Variants in MAPDA observed in about 807,000 individuals in gnomAD.
MAPDA encodes N6,N6-dimethyl-AMP deaminase.
the MAPDA span, chr15:43,330,456 C>G: frequency 2.0e-6 from 3 of 1,530,216 alleles, no homozygotes; most frequent in South Asian, 1.3e-5. Flanking sequence ...TTCTGTACCG[C>G]GCCTGCCCGA....
chr15:43,353,262 T>C, the MAPDA span: 1 of 143,356 alleles, frequency 7.0e-6, no homozygotes. Flanking sequence ...ACTAAGATAG[T>C]TCTGAAAGGT....
At chr15:43,348,899 T>C in the MAPDA span, 1 of 1,613,154 alleles carries the variant, frequency 6.2e-7, no homozygotes, top group Admixed American at 1.7e-5. Flanking sequence ...TTCCTCCCCT[T>C]TCTTTAGATT....
chr15:43,348,136 T>C, the MAPDA span, among the ~76,000 whole-genome samples: 1 of 152,236 alleles, frequency 6.6e-6, no homozygotes, highest in Non-Finnish European at 1.5e-5. Flanking sequence ...AAAAATGTTC[T>C]GAGCATTTGT....
chr15:43,335,937 G>A, the MAPDA span: 1 of 1,334,018 alleles, frequency 7.5e-7, no homozygotes, highest in Non-Finnish European at 1.0e-6. Context: ...GGGTTGGCAT[G>A]TGGTGTGGAG....
At chr15:43,335,232 C>T in the MAPDA span, 3 of 1,558,446 alleles carry the variant, frequency 1.9e-6, no homozygotes, top group African/African-American at 2.7e-5. Flanking sequence ...GATGTTGCTT[C>T]TTTTCATCAA....
At chr15:43,348,828 G>C in the MAPDA span, 1 of 1,469,366 alleles carries the variant, frequency 6.8e-7, no homozygotes, top group South Asian at 1.3e-5. Flanking sequence ...TAGAGGGGCA[G>C]GGTACCTAGC....
At chr15:43,330,425 A>T in the MAPDA span, 1 of 1,562,494 alleles carries the variant, frequency 6.4e-7, no homozygotes, top group Non-Finnish European at 8.6e-7. Context: ...ACGCTTGCTG[A>T]GGGCGCTGCT....
the MAPDA span, among the ~76,000 whole-genome samples, chr15:43,350,786 C>T: frequency 2.6e-3 from 393 of 152,278 alleles, 1 homozygote; most frequent in African/African-American, 9.1e-3. Flanking sequence ...AATTGAACTA[C>T]AAATTTTCAC....
At chr15:43,345,726 C>A in the MAPDA span, 1 of 1,109,768 alleles carries the variant, frequency 9.0e-7, no homozygotes, top group Non-Finnish European at 1.3e-6. Context: ...TGTCTAGATT[C>A]AGTCAGGCTA....
At chr15:43,335,393 G>A in the MAPDA span, among the ~76,000 whole-genome samples, 1 of 152,094 alleles carries the variant, frequency 6.6e-6, no homozygotes, top group Non-Finnish European at 1.5e-5. Context: ...AAAATTCGCT[G>A]GGCTTGGTGG....
At chr15:43,349,144 G>A in the MAPDA span, 26 of 1,558,420 alleles carry the variant, frequency 1.7e-5, no homozygotes, top group East Asian at 2.3e-5. Context: ...CTAAAAGTAC[G>A]AATGTCATCT....
At chr15:43,330,409 C>T in the MAPDA span, 2 of 1,572,710 alleles carry the variant, frequency 1.3e-6, no homozygotes, top group Admixed American at 2.1e-5. Context: ...CGCGCGCGGC[C>T]AGGGAACGCT....
the MAPDA span, among the ~76,000 whole-genome samples, chr15:43,349,765 G>GT: frequency 6.6e-6 from 1 of 152,354 alleles, no homozygotes; most frequent in Non-Finnish European, 1.5e-5. Context: ...GTGTGAGTAT[G>GT]TTTTAACTAT....
At chr15:43,340,015 G>T in the MAPDA span, among the ~76,000 whole-genome samples, 1 of 152,194 alleles carries the variant, frequency 6.6e-6, no homozygotes, top group Non-Finnish European at 1.5e-5. Flanking sequence ...AAGAAGCAAA[G>T]GGTGTAGCTG....
chr15:43,345,712 ATGT>A, the MAPDA span: 1 of 954,334 alleles, frequency 1.0e-6, no homozygotes, highest in South Asian at 1.6e-5. Flanking sequence ...GTAAAATGTC[ATGT>A]TGTCTAGATT....
At chr15:43,340,715 T>G in the MAPDA span, among the ~76,000 whole-genome samples, 4 of 152,194 alleles carry the variant, frequency 2.6e-5, no homozygotes, top group Non-Finnish European at 5.9e-5. Context: ...TGAGTTATTC[T>G]TAAGTAAAAA....
At chr15:43,335,231 T>G in the MAPDA span, 1 of 1,560,032 alleles carries the variant, frequency 6.4e-7, no homozygotes, top group Non-Finnish European at 8.8e-7. Flanking sequence ...TGATGTTGCT[T>G]CTTTTCATCA....
At chr15:43,342,444 T>C in the MAPDA span, among the ~76,000 whole-genome samples, 2 of 148,044 alleles carry the variant, frequency 1.4e-5, no homozygotes, top group Non-Finnish European at 3.0e-5. Context: ...AAATATCCCT[T>C]TTAAAAAAAA....
the MAPDA span, chr15:43,335,222 G>A: frequency 6.3e-7 from 1 of 1,579,500 alleles, no homozygotes; most frequent in East Asian, 2.3e-5. Context: ...TAATGACTTT[G>A]ATGTTGCTTC....
Sources: allele counts gnomAD v4.1 joint callset (sites outside exome capture counted in the v4.1 genomes callset), GRCh38; gene constraint gnomAD v4.1.1; transcripts MANE v1.5; gene names NCBI Gene and HGNC (gene_info 2026-07-23, HGNC 2026-07-21).